IQCH: variants seen among roughly 807,000 people sequenced by gnomAD.
The protein encoded by IQCH is IQ domain-containing protein H.
In IQCH, 98 loss-of-function variants were observed where a neutral mutation model predicts 117.0. That is an observed-to-expected ratio of 0.84 (90% CI 0.71 to 0.99). The LOEUF (loss-of-function observed/expected upper bound fraction) is 0.99. IQCH is among the 50% of genes least tolerant of loss of function. IQCH has a pLI of 0.00. For synonymous variants in IQCH, 412 were observed against 448.2 expected (o/e 0.92, Z 1.02); for missense variants, 1,102 against 1,243.8 (o/e 0.89, Z 1.72).
Position 67,475,931 on chromosome 15 carries a change from G to T in IQCH, c.2799+113G>T. 1.1e-6 allele frequency: 1 copy of T among 930,876 alleles called. No individual in the cohort carries two copies. The highest frequency in any genetic ancestry group is 1.6e-6 in the Non-Finnish European group (1 of 608,980). The allele number at this position is 930,876 out of a possible 1,614,324, so 57.7% of individuals were successfully genotyped here. ...GATATTCTTTAAATACCGGTTTGAC[G>T]TGTCTGTAGAGGAAGGCTGATTGCT... On this transcript the variant is annotated intron_variant, in intron 18 of 20. Transcript: ENST00000335894. The surrounding 1 kb of genome is among the most constrained non-coding windows in gnomAD (Gnocchi z 5.7).
chr15:67,349,119 T>G (rs1199838204), intron 6 of IQCH, among the ~76,000 whole-genome samples: 1 of 152,140 alleles, frequency 6.6e-6, no homozygotes, highest in African/African-American at 2.4e-5. Flanking sequence ...CCCAAAATGG[T>G]TTATAAAATT....
At chr15:67,344,528 T>C (rs1481478144) in intron 6 of IQCH, among the ~76,000 whole-genome samples, 1 of 152,216 alleles carries the variant, frequency 6.6e-6, no homozygotes, top group East Asian at 1.9e-4. Context: ...CTACATTCTT[T>C]AGTCTGTATG....
At chr15:67,288,363 C>T (rs1183653660) in intron 4 of IQCH, among the ~76,000 whole-genome samples, 1 of 152,060 alleles carries the variant, frequency 6.6e-6, no homozygotes, top group African/African-American at 2.4e-5. Context: ...CCAGCTCTTA[C>T]TGTATTTGGG....
intron 16 of IQCH, among the ~76,000 whole-genome samples, chr15:67,451,620 T>C (rs1355147287): frequency 1.3e-5 from 2 of 152,210 alleles, no homozygotes; most frequent in African/African-American, 4.8e-5. Context: ...ATTTTACATT[T>C]GCTGAGGAGT....
At chr15:67,487,823 T>C (rs770814659) in intron 18 of IQCH, among the ~76,000 whole-genome samples, 7 of 152,174 alleles carry the variant, frequency 4.6e-5, no homozygotes, top group Non-Finnish European at 8.8e-5. Context: ...CCCCAAAATA[T>C]AGTTTCCTTT....
In IQCH at chr15:67,372,492, A is replaced by T; in HGVS notation, c.1135A>T (p.Thr379Ser). Reference protein sequence around the residue: ...NSEAAMKIQATWKCYKARKFF... With the variant: ...NSEAAMKIQASWKCYKARKFF... ...GGAGGCCGCCATGAAGATCCAAGCC[A>T]CATGGAAATGCTACAAAGCAAGAAA... The change falls in exon 9 of 21, where the codon ACA becomes TCA. Residue 379 changes from threonine to serine, a missense_variant. By Grantham distance (58) the Thr-to-Ser change is moderately conservative. Coordinates refer to ENST00000335894, the MANE Select transcript of IQCH (RefSeq NM_001031715.3). 6.2e-7 allele frequency: 1 copy of T among 1,614,104 alleles called. No individual in the cohort carries two copies. Among genetic ancestry groups the T allele is most frequent in the South Asian group, 1.1e-5 (1 of 91,076 alleles).
intron 10 of IQCH, among the ~76,000 whole-genome samples, chr15:67,378,786 G>C (rs571581851): frequency 6.6e-6 from 1 of 152,078 alleles, no homozygotes; most frequent in African/African-American, 2.4e-5. Context: ...TTAATATTAG[G>C]ATATGCTGTA....
At chr15:67,279,982 C>T (rs1248797680) in intron 4 of IQCH, among the ~76,000 whole-genome samples, 2 of 151,676 alleles carry the variant, frequency 1.3e-5, no homozygotes, top group African/African-American at 4.8e-5. Flanking sequence ...TGCCACTGCA[C>T]TCCAGCCAGG....
chr15:67,347,118 C>A, intron 6 of IQCH, among the ~76,000 whole-genome samples: 3 of 145,784 alleles, frequency 2.1e-5, no homozygotes, highest in African/African-American at 2.5e-5. Context: ...TCTAAAAAAC[C>A]AGAAAAAGAA....
In IQCH at chr15:67,342,771, C is replaced by A. The variant is rs1969227631; in HGVS notation, c.509-1292C>A. On this transcript the variant is annotated intron_variant, in intron 5 of 20. Coordinates refer to ENST00000335894, the MANE Select transcript of IQCH (RefSeq NM_001031715.3). The surrounding 1 kb of genome is among the most constrained non-coding windows in gnomAD (Gnocchi z 4.7). ...CAGTAATTCTTAAGTGTTAAGAGTA[C>A]AAAAGATTAACCTGGAGTGCTTATT... Among the ~76,000 whole-genome samples the A allele has an allele frequency of 6.6e-6, 1 of 152,042 alleles. No homozygotes were observed. Among genetic ancestry groups the A allele is most frequent in the African/African-American group, 2.4e-5 (1 of 41,410 alleles).
At chr15:67,258,578 A>C (rs1381798500) in intron 1 of IQCH, among the ~76,000 whole-genome samples, 1 of 152,090 alleles carries the variant, frequency 6.6e-6, no homozygotes, top group Admixed American at 6.5e-5. Flanking sequence ...GGTGATGAGA[A>C]TGACTCAGCC....
In IQCH at chr15:67,407,258, G is replaced by A. The variant is rs1971946457; in HGVS notation, c.2097+6953G>A. 1 of 152,198 alleles carries A rather than the reference G, an allele frequency of 6.6e-6. No individual in the cohort carries two copies. The highest frequency in any genetic ancestry group is 2.1e-4 in the South Asian group (1 of 4,830). The allele number at this position is 152,198 out of a possible 1,614,324, so 9.4% of individuals were successfully genotyped here. A position where few individuals can be genotyped will look rare whatever the true frequency, so the allele number is the denominator to read the frequency against. On this transcript the variant is annotated intron_variant, in intron 14 of 20. Transcript: ENST00000335894. This position sits in a 1 kb window ranked among gnomAD's most constrained non-coding sequence, Gnocchi z 5.3. Reference sequence around the variant, plus strand: ...GAGTTGAATAAAGAGGCTTGACAAAGTAGAGATTATTCTGACCGGAAGATT... The same window carrying A: ...GAGTTGAATAAAGAGGCTTGACAAAATAGAGATTATTCTGACCGGAAGATT...
At position 67,476,570 on chromosome 15, in the gene IQCH, C is replaced by A. The variant is rs953067180; in HGVS notation, c.2799+752C>A. ...TTCTGAAGGGAGTTCTGATAAAAAC[C>A]ATTTTCTCTACTTTTGGTCTATTTC... On this transcript the variant is annotated intron_variant, in intron 18 of 20. Transcript: ENST00000335894. This position sits in a 1 kb window ranked among gnomAD's most constrained non-coding sequence, Gnocchi z 4.1. 1.3e-5 allele frequency among the ~76,000 whole-genome samples: 2 copies of A among 152,092 alleles called. No homozygotes were observed. The highest frequency in any genetic ancestry group is 2.9e-5 in the Non-Finnish European group (2 of 68,010).
intron 16 of IQCH, among the ~76,000 whole-genome samples, chr15:67,451,213 C>G (rs1420515099): frequency 1.3e-5 from 2 of 152,174 alleles, no homozygotes; most frequent in East Asian, 3.8e-4. Context: ...TTTCTTGTGT[C>G]TCTATTTCCT....
intron 4 of IQCH, among the ~76,000 whole-genome samples, chr15:67,298,865 GAAC>G (rs565566204): frequency 4.0e-5 from 6 of 151,852 alleles, no homozygotes; most frequent in Non-Finnish European, 7.4e-5. Flanking sequence ...TAATCTGTCT[GAAC>G]AACAACAACA....
At chr15:67,327,661 G>A (rs894146408) in intron 4 of IQCH, among the ~76,000 whole-genome samples, 3 of 152,188 alleles carry the variant, frequency 2.0e-5, no homozygotes, top group African/African-American at 4.8e-5. Flanking sequence ...TATTCAAGTA[G>A]GCAGTTAATT....
At chr15:67,338,205 G>GTCTATCTATCTA (rs10528833) in intron 5 of IQCH, among the ~76,000 whole-genome samples, 1,182 of 105,614 alleles carry the variant, frequency 0.011, 5 homozygotes, top group East Asian at 0.018. Context: ...ATATCTGTCT[G>GTCTATCTATCTA]TCTATCTATC....
rs2140972893 is a variant in IQCH, at chr15:67,443,481, T to C, written c.2506-21646T>C. Among the ~76,000 whole-genome samples, 1 of 152,300 alleles carries C rather than the reference T, an allele frequency of 6.6e-6. No homozygotes were observed. The highest frequency in any genetic ancestry group is 6.5e-5 in the Admixed American group (1 of 15,298). ...ACCACAAATATGGTGGAGTGTATAC[T>C]GCTTGGGTGATGGGTGCAGCAAATT... is the stretch of plus-strand genomic sequence containing the variant. On this transcript the variant is annotated intron_variant, in intron 16 of 20. Coordinates refer to ENST00000335894, the MANE Select transcript of IQCH (RefSeq NM_001031715.3). The surrounding 1 kb of genome is among the most constrained non-coding windows in gnomAD (Gnocchi z 5.0).
rs1259384125 is a variant in IQCH, at chr15:67,385,506, A to C, written c.1456+487A>C. On this transcript the variant is annotated intron_variant, in intron 11 of 20. Coordinates refer to ENST00000335894, the MANE Select transcript of IQCH (RefSeq NM_001031715.3). This position sits in a 1 kb window ranked among gnomAD's most constrained non-coding sequence, Gnocchi z 4.6. ...AAATATAGAGCATCTTATTATTAGA[A>C]AACGTGAAGTGCTTAATGGAGGGAA... Among the ~76,000 whole-genome samples the C allele has an allele frequency of 6.6e-6, 1 of 152,184 alleles. No individual in the cohort carries two copies. Among genetic ancestry groups the C allele is most frequent in the African/African-American group, 2.4e-5 (1 of 41,450 alleles).
Sources: gnomAD v4.1 joint callset for allele counts (sites outside exome capture counted in the v4.1 genomes callset) on GRCh38, gnomAD v4.1.1 for gene constraint, Gnocchi (gnomAD v3.1) non-coding constraint, MANE v1.5 for transcripts, NCBI Gene and HGNC (gene_info 2026-07-23, HGNC 2026-07-21) for gene names.